PRKG1: variants seen among roughly 807,000 people sequenced by gnomAD.
PRKG1 encodes the protein protein kinase cGMP-dependent 1.
A neutral mutation model predicts 88.1 loss-of-function variants in PRKG1; 35 were observed. The observed-to-expected ratio is 0.40, with a 90% CI of 0.30 to 0.53. The LOEUF (loss-of-function observed/expected upper bound fraction) is 0.53, where lower values mean the gene tolerates loss of function less well. PRKG1 is among the 20% of genes least tolerant of loss of function. The probability of loss-of-function intolerance (pLI) is 0.59; values close to 1 mark genes in which losing one functional copy is unlikely to be tolerated. For synonymous variants in PRKG1, 303 were observed against 292.5 expected (o/e 1.04, Z -0.37); for missense variants, 540 against 839.8 (o/e 0.64, Z 4.41).
chr10:51,587,342 G>A (rs966007621), intron 3 of PRKG1, among the ~76,000 whole-genome samples: 1 of 152,102 alleles, frequency 6.6e-6, no homozygotes, highest in Non-Finnish European at 1.5e-5. Flanking sequence ...TCTTCCTTAA[G>A]GTGTATTTGC....
chr10:51,040,691 G>A (rs768898570), intron 1 of PRKG1, among the ~76,000 whole-genome samples: 14 of 152,032 alleles, frequency 9.2e-5, no homozygotes, highest in Middle Eastern at 3.4e-3. Context: ...AAGATAATTC[G>A]TAGGTGTTTA....
intron 9 of PRKG1, among the ~76,000 whole-genome samples, chr10:52,197,570 G>A (rs902948454): frequency 6.6e-6 from 1 of 152,182 alleles, no homozygotes; most frequent in Non-Finnish European, 1.5e-5. Flanking sequence ...TATTCTGGCT[G>A]TTTTCCTTGC....
intron 3 of PRKG1, among the ~76,000 whole-genome samples, chr10:51,768,310 A>G (rs187345890): frequency 6.6e-6 from 1 of 152,246 alleles, no homozygotes; most frequent in Admixed American, 6.5e-5. Flanking sequence ...TGTGCTGGCT[A>G]TATTTTTTGA....
At chr10:52,096,145 C>T (rs1228687063) in intron 7 of PRKG1, among the ~76,000 whole-genome samples, 4 of 152,122 alleles carry the variant, frequency 2.6e-5, no homozygotes, top group East Asian at 1.9e-4. Context: ...GTCACTGATA[C>T]GTTTTGTACT....
At chr10:51,244,752 T>C (rs927859503) in intron 2 of PRKG1, 4 of 152,132 alleles carry the variant, frequency 2.6e-5, no homozygotes, top group African/African-American at 9.7e-5. Context: ...GATTGATACC[T>C]TGTCATAATT....
intron 1 of PRKG1, among the ~76,000 whole-genome samples, chr10:50,999,894 C>T (rs1180162536): frequency 6.6e-6 from 1 of 152,198 alleles, no homozygotes; most frequent in African/African-American, 2.4e-5. Flanking sequence ...AGTAAAAATT[C>T]CAGCCAAGTA....
chr10:52,201,061 CGTCCCATT>C (rs1839653163), intron 9 of PRKG1, among the ~76,000 whole-genome samples: 1 of 152,106 alleles, frequency 6.6e-6, no homozygotes. Context: ...AGTTGAATTA[CGTCCCATT>C]TGCCAGCTTT....
intron 3 of PRKG1, among the ~76,000 whole-genome samples, chr10:51,473,946 A>T (rs1337335739): frequency 6.6e-6 from 1 of 151,964 alleles, no homozygotes; most frequent in Non-Finnish European, 1.5e-5. Flanking sequence ...TTTGAGGAAT[A>T]AAAAGTAAAC....
intron 2 of PRKG1, among the ~76,000 whole-genome samples, chr10:51,440,128 G>T (rs1024968781): frequency 6.6e-6 from 1 of 151,784 alleles, no homozygotes; most frequent in Non-Finnish European, 1.5e-5. Flanking sequence ...CAAAAATAAA[G>T]TTCTTTTGAC....
At chr10:52,255,096 T>A (rs901809400) in intron 10 of PRKG1, among the ~76,000 whole-genome samples, 6 of 152,116 alleles carry the variant, frequency 3.9e-5, no homozygotes, top group African/African-American at 1.4e-4. Flanking sequence ...CTGTTTACAG[T>A]ATGTCTTCCA....
At chr10:51,939,775 A>G (rs1842867677) in intron 5 of PRKG1, among the ~76,000 whole-genome samples, 1 of 150,808 alleles carries the variant, frequency 6.6e-6, no homozygotes, top group African/African-American at 2.5e-5. Context: ...GGTAAATGCA[A>G]GAGTACTATA....
At chr10:51,526,900 G>A (rs1408743273) in intron 3 of PRKG1, among the ~76,000 whole-genome samples, 1 of 152,054 alleles carries the variant, frequency 6.6e-6, no homozygotes, top group Admixed American at 6.6e-5. Flanking sequence ...ATATAATTAT[G>A]TTTCACCTCC....
chr10:52,149,285 T>G (rs1263477543), intron 8 of PRKG1, among the ~76,000 whole-genome samples: 1 of 151,934 alleles, frequency 6.6e-6, no homozygotes, highest in Non-Finnish European at 1.5e-5. Context: ...GTTCTTTTTA[T>G]GAACCTTTCA....
chr10:51,991,240 C>A (rs988894540), intron 5 of PRKG1, among the ~76,000 whole-genome samples: 1 of 152,026 alleles, frequency 6.6e-6, no homozygotes, highest in African/African-American at 2.4e-5. Context: ...TTAGTGGGGT[C>A]TTTAGGGTTT....
intron 3 of PRKG1, among the ~76,000 whole-genome samples, chr10:51,714,155 A>C (rs1298136420): frequency 6.6e-6 from 1 of 151,822 alleles, no homozygotes; most frequent in African/African-American, 2.4e-5. Context: ...AATTTTTTGT[A>C]TTTTTAGTAG....
chr10:51,550,850 A>G (rs993247767), intron 3 of PRKG1, among the ~76,000 whole-genome samples: 2 of 151,964 alleles, frequency 1.3e-5, no homozygotes, highest in Non-Finnish European at 2.9e-5. Context: ...GTAATCTGAC[A>G]TTGGTTCAAT....
rs535591198 is a variant in PRKG1 at position 52,079,914 on chromosome 10, T to C, written c.935+17283T>C. On this transcript the variant is annotated intron_variant, in intron 7 of 17. Transcript: ENST00000373980. ...GTCTTGCTGTAGGCCCCATACATGCTAATAAGTGCTAGGGCAGGCTGTCCC... is the reference window on the plus strand; with the variant it reads ...GTCTTGCTGTAGGCCCCATACATGCCAATAAGTGCTAGGGCAGGCTGTCCC... Among the ~76,000 whole-genome samples, 16 of 152,306 alleles carry C rather than the reference T, an allele frequency of 1.1e-4. No individual in the cohort carries two copies. In the South Asian group the frequency reaches 3.1e-3, roughly 30 times the overall value.
chr10:52,011,030 T>G (rs1441846685), intron 5 of PRKG1, among the ~76,000 whole-genome samples: 1 of 152,214 alleles, frequency 6.6e-6, no homozygotes, highest in Non-Finnish European at 1.5e-5. Flanking sequence ...GTTGGACAGT[T>G]CTCTTAGCTC....
At chr10:51,023,875 G>T (rs1435421670) in intron 1 of PRKG1, among the ~76,000 whole-genome samples, 1 of 152,190 alleles carries the variant, frequency 6.6e-6, no homozygotes, top group Non-Finnish European at 1.5e-5. Context: ...TTAAAATTTA[G>T]CCAAGAACAT....
Sources: allele counts gnomAD v4.1 joint callset (sites outside exome capture counted in the v4.1 genomes callset), GRCh38; gene constraint gnomAD v4.1.1; transcripts MANE v1.5; gene names NCBI Gene and HGNC (gene_info 2026-07-23, HGNC 2026-07-21).